The following ASB2 variants were observed in gnomAD, a reference collection of about 807,000 sequenced individuals.
ASB2 encodes ankyrin repeat and SOCS box protein 2.
In ASB2, 58 loss-of-function variants were observed where a neutral mutation model predicts 62.4. The observed-to-expected ratio is 0.93, with a 90% CI of 0.75 to 1.16. ASB2 has a LOEUF of 1.16. ASB2 is among the 50% of genes most tolerant of loss of function. ASB2 has a pLI of 0.00. For missense variants in ASB2, 928 were observed against 887.9 expected (o/e 1.05, Z -0.57); for synonymous variants, 386 against 385.3 (o/e 1.00, Z -0.02).
intron 5 of ASB2, among the ~76,000 whole-genome samples, chr14:93,951,806 C>A (rs926388238): frequency 6.6e-6 from 1 of 152,230 alleles, no homozygotes; most frequent in Non-Finnish European, 1.5e-5. Flanking sequence ...TGCTGAACTT[C>A]CCCCTGCTCC....
chr14:93,975,304 C>T (rs1161010778), intron 1 of ASB2, among the ~76,000 whole-genome samples: 2 of 152,254 alleles, frequency 1.3e-5, no homozygotes, highest in Non-Finnish European at 2.9e-5. Flanking sequence ...CTAGGAGTCA[C>T]CAGCCTCCTT....
At position 93,934,217 on chromosome 14, in the gene ASB2, C is replaced by T. The variant is rs936603671; in HGVS notation, c.*439G>A. 1 of 456,766 alleles carries T rather than the reference C, an allele frequency of 2.2e-6. No individual in the cohort carries two copies. The highest frequency in any genetic ancestry group is 2.0e-5 in the African/African-American group (1 of 50,076). 28.3% of individuals were successfully genotyped at this position (456,766 alleles called of 1,614,324 possible). A position where few individuals can be genotyped will look rare whatever the true frequency, so the allele number is the denominator to read the frequency against. Reference sequence around the variant, plus strand: ...ATACTTAACAAAGCCCTCCAAGACCCAGGCTCCCCCTACCCCCTACCTTGG... The same window carrying T: ...ATACTTAACAAAGCCCTCCAAGACCTAGGCTCCCCCTACCCCCTACCTTGG... On this transcript the variant is annotated 3_prime_UTR_variant, in exon 10 of 10. Transcript: ENST00000555019.
At position 93,939,646 on chromosome 14, in the gene ASB2, G is replaced by C; in HGVS notation, c.1079C>G (p.Thr360Ser). Residue 360 changes from threonine (T) to serine (S), a missense_variant, in exon 8 of 10, where the codon ACC (threonine) becomes AGC (serine). Thr to Ser is a moderately conservative substitution (Grantham distance 58). Transcript: ENST00000555019. ...YRIVQMLLPV[T>S]SRTRIRRSGV... ...GCTACGGCGTATGCGCGTGCGGCTGGTCACCGGCAGCAGCATCTGCACGAT... is the reference window on the plus strand; with the variant it reads ...GCTACGGCGTATGCGCGTGCGGCTGCTCACCGGCAGCAGCATCTGCACGAT... The C allele has an allele frequency of 1.3e-6, 2 of 1,511,848 alleles. No homozygotes were observed. Among genetic ancestry groups the C allele is most frequent in the Non-Finnish European group, 1.8e-6 (2 of 1,137,940 alleles). 93.7% of individuals were successfully genotyped at this position (1,511,848 alleles called of 1,614,324 possible).
intron 1 of ASB2, among the ~76,000 whole-genome samples, chr14:93,970,530 G>T (rs1440552055): frequency 6.6e-6 from 1 of 152,092 alleles, no homozygotes; most frequent in Non-Finnish European, 1.5e-5. Context: ...TCTCTAGAAA[G>T]TCTAGAAACT....
chr14:93,951,933 C>T (rs752590818), intron 5 of ASB2, among the ~76,000 whole-genome samples: 20 of 152,224 alleles, frequency 1.3e-4, no homozygotes, highest in African/African-American at 3.4e-4. Context: ...AGACCCCAAA[C>T]GTGCCCTTGG....
chr14:93,957,459 G>A (rs368340992), intron 2 of ASB2: 38 of 930,714 alleles, frequency 4.1e-5, no homozygotes, highest in Middle Eastern at 1.1e-3. Context: ...GAAGGGCGTC[G>A]GAACCAGGGC....
At chr14:93,959,252 T>G (rs1889326902) in intron 2 of ASB2, among the ~76,000 whole-genome samples, 1 of 152,132 alleles carries the variant, frequency 6.6e-6, no homozygotes, top group Non-Finnish European at 1.5e-5. Flanking sequence ...CTGAGGATAT[T>G]TGGAAGTCAG....
At chr14:93,939,897 G>C in intron 7 of ASB2, 1 of 443,694 alleles carries the variant, frequency 2.3e-6, no homozygotes, top group East Asian at 3.7e-5. Flanking sequence ...GGAAACTGAA[G>C]CTCAGAGAGC....
chr14:93,945,500 A>G (rs1472700680), intron 7 of ASB2, among the ~76,000 whole-genome samples: 2 of 152,152 alleles, frequency 1.3e-5, no homozygotes, highest in African/African-American at 2.4e-5. Context: ...GTACGTATCC[A>G]TTTTACTGGT....
Position 93,970,940 on chromosome 14 carries a change from C to T in ASB2, c.-74+5494G>A, listed in dbSNP as rs903473828. 3.3e-5 allele frequency among the ~76,000 whole-genome samples: 5 copies of T among 152,296 alleles called. 1 individual carries two copies. The South Asian group carries it at 1.0e-3, about 32-fold the overall frequency. On this transcript the variant is annotated intron_variant, in intron 1 of 9. Coordinates refer to ENST00000555019, the MANE Select transcript of ASB2 (RefSeq NM_001202429.2). ...ACAGCCGGTGGCCCCTAAAAATCTGCTCGTGTTATTCCACAGGTCCCAAGA... is the reference window on the plus strand; with the variant it reads ...ACAGCCGGTGGCCCCTAAAAATCTGTTCGTGTTATTCCACAGGTCCCAAGA...
intron 5 of ASB2, among the ~76,000 whole-genome samples, chr14:93,952,871 A>T (rs1005540892): frequency 6.6e-6 from 1 of 152,254 alleles, no homozygotes; most frequent in Non-Finnish European, 1.5e-5. Flanking sequence ...TGGATGATGT[A>T]CTGAGTAAGC....
chr14:93,970,502 G>T (rs949365833), intron 1 of ASB2, among the ~76,000 whole-genome samples: 2 of 152,096 alleles, frequency 1.3e-5, no homozygotes, highest in Admixed American at 1.3e-4. Flanking sequence ...TGCTTGGACT[G>T]CCTGCTATGG....
At chr14:93,953,558 G>A (rs763995722) in intron 4 of ASB2, 51 bp from the exon 5 acceptor site, 6 of 1,467,736 alleles carry the variant, frequency 4.1e-6, no homozygotes, top group South Asian at 3.9e-5. Context: ...ACTCAGCCCC[G>A]CAACACAGAG....
intron 8 of ASB2, 58 bp from the exon 9 acceptor site, chr14:93,937,909 G>A (rs927200450): frequency 7.2e-6 from 11 of 1,519,868 alleles, no homozygotes; most frequent in African/African-American, 5.5e-5. Context: ...AAGAGCCTGC[G>A]GCCAGGGACG....
At chr14:93,935,866 G>A (rs562517742) in intron 9 of ASB2, among the ~76,000 whole-genome samples, 3 of 152,212 alleles carry the variant, frequency 2.0e-5, no homozygotes, top group South Asian at 2.1e-4. Flanking sequence ...CCTGTTGCCC[G>A]GGCAGCTTGC....
chr14:93,934,428 T>G lies in ASB2; in HGVS notation c.*228A>C. ...AAGGTAGAGAAGGTCTGGGATCTGC[T>G]CATCAGTTTGTAAACAAATGATTCT... On this transcript the variant is annotated 3_prime_UTR_variant, in exon 10 of 10. Transcript: ENST00000555019. 1 of 553,542 alleles carries G rather than the reference T, an allele frequency of 1.8e-6. No homozygotes were observed. Among genetic ancestry groups the G allele is most frequent in the Non-Finnish European group, 3.2e-6 (1 of 308,476 alleles). The allele number at this position is 553,542 out of a possible 1,614,324, so 34.3% of individuals were successfully genotyped here.
At chr14:93,951,377 C>T in intron 5 of ASB2, 133 bp from the exon 6 acceptor site, 7 of 1,099,308 alleles carry the variant, frequency 6.4e-6, no homozygotes, top group Non-Finnish European at 8.9e-6. Context: ...AAGTTCCAAT[C>T]CCTGCATTGA....
Position 93,947,403 on chromosome 14 carries a change from G to A in ASB2, c.998C>T (p.Thr333Ile), listed in dbSNP as rs1025125043. The A allele has an allele frequency of 6.2e-7, 1 of 1,614,082 alleles. No homozygotes were observed. The highest frequency in any genetic ancestry group is 1.3e-5 in the African/African-American group (1 of 74,934). ...CAGCGGGAGCAAGCCGTCCTTGTTG[G>A]TCTTGTTGGCGTCGGCACCCTGTGA... is the stretch of plus-strand genomic sequence containing the variant. ...LLSQGADANK[T>I]NKDGLLPLHI... Residue 333 changes from threonine (T) to isoleucine (I), a missense_variant, in exon 7 of 10, where the codon ACC (threonine) becomes ATC (isoleucine). By Grantham distance (89) the Thr-to-Ile change is moderately conservative. Coordinates refer to ENST00000555019, the MANE Select transcript of ASB2 (RefSeq NM_001202429.2).
intron 7 of ASB2, chr14:93,941,640 GC>G (rs778911062): frequency 1.5e-5 from 7 of 455,916 alleles, no homozygotes; most frequent in Non-Finnish European, 3.1e-5. Flanking sequence ...GGCGGCCACG[GC>G]CAACAAATGC....
Sources: gnomAD v4.1 joint callset for allele counts (sites outside exome capture counted in the v4.1 genomes callset) on GRCh38, gnomAD v4.1.1 for gene constraint, MANE v1.5 for transcripts, NCBI Gene and HGNC (gene_info 2026-07-23, HGNC 2026-07-21) for gene names.